The following VPS13A variants were observed in gnomAD, a reference collection of about 807,000 sequenced individuals.
VPS13A encodes the protein intermembrane lipid transfer protein VPS13A.
VPS13A carries 264 observed loss-of-function variants against 390.9 expected under a neutral mutation model. The observed-to-expected ratio is 0.68, with a 90% CI of 0.61 to 0.75. VPS13A has a LOEUF of 0.75. VPS13A is among the 30% of genes least tolerant of loss of function. The pLI is 0.00. For missense variants in VPS13A, 3,409 were observed against 3,733.9 expected (o/e 0.91, Z 2.27); for synonymous variants, 1,231 against 1,227.1 (o/e 1.00, Z -0.07).
intron 9 of VPS13A, among the ~76,000 whole-genome samples, chr9:77,213,863 GTTGT>G (rs1333936764): frequency 1.3e-5 from 2 of 152,104 alleles, no homozygotes; most frequent in East Asian, 1.9e-4. Flanking sequence ...TTGGTGAGAT[GTTGT>G]TTAACTACTT....
intron 31 of VPS13A, among the ~76,000 whole-genome samples, chr9:77,288,998 T>C (rs1451960327): frequency 6.6e-6 from 1 of 152,226 alleles, no homozygotes; most frequent in Non-Finnish European, 1.5e-5. Flanking sequence ...TTCTGAAGTC[T>C]ACTTTGGTAG....
At chr9:77,204,723 C>T (rs1825537995) in intron 3 of VPS13A, among the ~76,000 whole-genome samples, 1 of 152,104 alleles carries the variant, frequency 6.6e-6, no homozygotes, top group South Asian at 2.1e-4. Flanking sequence ...ACCTCCTGGG[C>T]TCAAGATCCT....
At chr9:77,393,671 A>G (rs1210105269) in intron 68 of VPS13A, among the ~76,000 whole-genome samples, 1 of 152,236 alleles carries the variant, frequency 6.6e-6, no homozygotes, top group African/African-American at 2.4e-5. Flanking sequence ...GACTAGGTGC[A>G]TGGTCAATGA....
chr9:77,178,465 G>T (rs1366964431), intron 1 of VPS13A, among the ~76,000 whole-genome samples: 3 of 152,212 alleles, frequency 2.0e-5, no homozygotes, highest in Non-Finnish European at 2.9e-5. Flanking sequence ...TGCTTGTGTG[G>T]TTGCAGTTAA....
chr9:77,350,207 A>G (rs1439211180), intron 52 of VPS13A, among the ~76,000 whole-genome samples: 2 of 152,332 alleles, frequency 1.3e-5, no homozygotes, highest in East Asian at 3.9e-4. Context: ...ACCTCTTTCC[A>G]AATTCTTACT....
chr9:77,357,568 A>C (rs2131556075), intron 55 of VPS13A, 124 bp from the exon 56 acceptor site: 1 of 956,010 alleles, frequency 1.0e-6, no homozygotes, highest in Non-Finnish European at 1.6e-6. Flanking sequence ...TGGGATATTA[A>C]GATCTAAATC....
At chr9:77,356,940 T>TTTTGGCCAGTA in intron 55 of VPS13A, 73 bp downstream of exon 55, 1 of 1,555,132 alleles carries the variant, frequency 6.4e-7, no homozygotes, top group Non-Finnish European at 8.8e-7. Flanking sequence ...CTAGTGAAAT[T>TTTTGGCCAGTA]TAAGGAAAGT....
chr9:77,179,719 T>C (rs899448597), intron 1 of VPS13A, among the ~76,000 whole-genome samples: 2 of 151,132 alleles, frequency 1.3e-5, no homozygotes, highest in Admixed American at 6.6e-5. Flanking sequence ...TTATTTCATA[T>C]ACCATAAATT....
intron 31 of VPS13A, among the ~76,000 whole-genome samples, chr9:77,291,001 C>A (rs964213229): frequency 1.3e-5 from 2 of 152,004 alleles, no homozygotes; most frequent in African/African-American, 4.8e-5. Context: ...AATTATTGAT[C>A]GAATGTCAGA....
intron 1 of VPS13A, 44 bp downstream of exon 1, chr9:77,177,848 C>T (rs1450575839): frequency 8.3e-6 from 13 of 1,557,950 alleles, no homozygotes; most frequent in Non-Finnish European, 1.1e-5. Context: ...TCGTGCTTCC[C>T]GGCCGTCTCG....
At chr9:77,314,243 G>C (rs566961181) in intron 36 of VPS13A, 124 bp downstream of exon 36, 2 of 1,106,770 alleles carry the variant, frequency 1.8e-6, no homozygotes, top group African/African-American at 1.6e-5. Context: ...TGAGAAAAAT[G>C]ATCTTTTTAC....
intron 22 of VPS13A, among the ~76,000 whole-genome samples, chr9:77,254,189 C>T (rs187138499): frequency 3.9e-5 from 6 of 151,994 alleles, no homozygotes; most frequent in Non-Finnish European, 5.9e-5. Flanking sequence ...GTGATCCGCC[C>T]GCCTCGGCCT....
At chr9:77,396,229 T>C (rs1176951427) in intron 68 of VPS13A, among the ~76,000 whole-genome samples, 1 of 152,226 alleles carries the variant, frequency 6.6e-6, no homozygotes, top group Non-Finnish European at 1.5e-5. Context: ...GTTGTACCAG[T>C]TGATGACAAC....
intron 15 of VPS13A, 62 bp from the exon 16 acceptor site, chr9:77,227,329 T>A (rs1241334654): frequency 1.7e-6 from 2 of 1,159,166 alleles, no homozygotes; most frequent in Non-Finnish European, 2.6e-6. Context: ...TAAAGGCAGA[T>A]ACATTGTGTT....
chr9:77,386,984 G>T (rs1162392894), intron 68 of VPS13A, among the ~76,000 whole-genome samples: 2 of 151,666 alleles, frequency 1.3e-5, no homozygotes, highest in African/African-American at 4.8e-5. Context: ...GATTACAGGC[G>T]TGAGCCACCG....
intron 6 of VPS13A, among the ~76,000 whole-genome samples, chr9:77,210,177 C>G (rs1488391265): frequency 7.4e-6 from 1 of 134,868 alleles, no homozygotes; most frequent in Non-Finnish European, 1.6e-5. Flanking sequence ...CTCTCTCTCT[C>G]TCTCTCTTTC....
chr9:77,219,812 T>C, intron 10 of VPS13A, 142 bp from the exon 11 acceptor site: 1 of 804,800 alleles, frequency 1.2e-6, no homozygotes, highest in Non-Finnish European at 2.0e-6. Context: ...TTCATCTGAC[T>C]GAACCATGGC....
At chr9:77,376,620 T>C (rs1046016980) in intron 67 of VPS13A, among the ~76,000 whole-genome samples, 4 of 152,214 alleles carry the variant, frequency 2.6e-5, no homozygotes, top group African/African-American at 9.6e-5. Context: ...GTTGTCGTTC[T>C]TTTTAGGGAA....
intron 23 of VPS13A, among the ~76,000 whole-genome samples, chr9:77,265,888 G>A (rs1355062290): frequency 2.6e-5 from 4 of 152,122 alleles, no homozygotes; most frequent in African/African-American, 7.2e-5. Context: ...TAATTGTGAT[G>A]TTAGGGTGTT....
Sources: allele counts gnomAD v4.1 joint callset (sites outside exome capture counted in the v4.1 genomes callset), GRCh38; gene constraint gnomAD v4.1.1; transcripts MANE v1.5; gene names NCBI Gene and HGNC (gene_info 2026-07-23, HGNC 2026-07-21).